The following MYO16 variants were observed in gnomAD, a reference collection of about 807,000 sequenced individuals.
MYO16 encodes the protein unconventional myosin-XVI.
MYO16 carries 94 observed loss-of-function variants against 205.3 expected under a neutral mutation model. The observed-to-expected ratio is 0.46, with a 90% CI of 0.39 to 0.54. MYO16 has a LOEUF of 0.54. Among genes scored for constraint, MYO16 ranks in the 20% least tolerant of loss-of-function variants. The probability of loss-of-function intolerance (pLI) is 0.00; values close to 1 mark genes in which losing one functional copy is unlikely to be tolerated. For synonymous variants in MYO16, 988 were observed against 954.0 expected (o/e 1.04, Z -0.66); for missense variants, 2,315 against 2,387.5 (o/e 0.97, Z 0.63).
chr13:108,824,860 G>A (rs1876169112), intron 9 of MYO16, among the ~76,000 whole-genome samples: 1 of 151,956 alleles, frequency 6.6e-6, no homozygotes, highest in African/African-American at 2.4e-5. Context: ...ACTAACTCAA[G>A]AAGAAAGAGA....
intron 29 of MYO16, among the ~76,000 whole-genome samples, chr13:109,121,882 G>A (rs1019039427): frequency 9.2e-5 from 14 of 152,204 alleles, no homozygotes; most frequent in African/African-American, 2.7e-4. Flanking sequence ...TGATGACCTG[G>A]CTGCTAACTC....
intron 1 of MYO16, among the ~76,000 whole-genome samples, chr13:108,615,718 C>G (rs1292985674): frequency 1.3e-5 from 2 of 152,218 alleles, no homozygotes; most frequent in Non-Finnish European, 2.9e-5. Context: ...TATGGTATAA[C>G]CTCATTTGTA....
chr13:109,022,518 G>C (rs1243742479), intron 23 of MYO16, among the ~76,000 whole-genome samples: 5 of 94,360 alleles, frequency 5.3e-5, no homozygotes, highest in African/African-American at 2.1e-4. Context: ...GTATATATTT[G>C]TTATATATAC....
chr13:108,838,431 G>A (rs1458990243), intron 9 of MYO16, among the ~76,000 whole-genome samples: 2 of 151,520 alleles, frequency 1.3e-5, no homozygotes, highest in African/African-American at 2.4e-5. Flanking sequence ...AAGGCAGGTG[G>A]ATCACTTGAG....
chr13:108,809,621 T>A (rs2138989522), intron 7 of MYO16, among the ~76,000 whole-genome samples: 1 of 152,232 alleles, frequency 6.6e-6, no homozygotes, highest in African/African-American at 2.4e-5. Context: ...GAGAACTCAC[T>A]CATTATCGTG....
rs181406240 is a variant in MYO16, at chr13:108,858,151, T to G, written c.1359+2598T>G. Among the ~76,000 whole-genome samples the G allele has an allele frequency of 1.9e-4, 29 of 152,342 alleles. 1 individual carries two copies. In the East Asian group the frequency reaches 4.4e-3, roughly 23 times the overall value. ...TGAATATTTTATGACCAGTGTGTAGTGAAAATAAGTGTTTTTACAGAAACT... is the reference window on the plus strand; with the variant it reads ...TGAATATTTTATGACCAGTGTGTAGGGAAAATAAGTGTTTTTACAGAAACT... On this transcript the variant is annotated intron_variant, in intron 11 of 34. Transcript: ENST00000457511.
chr13:108,926,787 A>G (rs1882027336), intron 16 of MYO16, among the ~76,000 whole-genome samples: 1 of 152,210 alleles, frequency 6.6e-6, no homozygotes. Context: ...TAAATCATCA[A>G]CAGTGAAAGC....
At chr13:108,980,880 G>A (rs1369321783) in intron 20 of MYO16, among the ~76,000 whole-genome samples, 2 of 152,114 alleles carry the variant, frequency 1.3e-5, no homozygotes, top group Admixed American at 1.3e-4. Flanking sequence ...TAGCTATGAG[G>A]TTGGCATTCT....
the MYO16 span, among the ~76,000 whole-genome samples, chr13:108,553,131 G>T: frequency 1.4e-5 from 2 of 139,970 alleles, no homozygotes; most frequent in East Asian, 2.2e-4. Context: ...TGCTTCTCCT[G>T]CCTCAGCCTC....
chr13:108,826,554 T>C (rs2099237), intron 9 of MYO16, among the ~76,000 whole-genome samples: 36,080 of 151,536 alleles, frequency 0.24, 5,039 homozygotes, highest in East Asian at 0.66. Flanking sequence ...AAAGCAAAAA[T>C]AGATAAACTA....
chr13:108,963,897 C>T (rs1883686349), intron 19 of MYO16, among the ~76,000 whole-genome samples: 1 of 152,164 alleles, frequency 6.6e-6, no homozygotes, highest in South Asian at 2.1e-4. Context: ...ATGGCCACAC[C>T]CACTTTCACT....
chr13:109,141,053 A>T lies in MYO16; in HGVS notation c.4841A>T (p.His1614Leu), dbSNP rs1466387709. ...PPPAPYRPCA[H>L]LAFPPEPAPV... ...CCCGCGCCCTACAGGCCCTGCGCGC[A>T]CTTGGCCTTCCCGCCGGAGCCCGCC... Residue 1614 changes from histidine to leucine, a missense_variant, in exon 32 of 35, where the codon CAC becomes CTC. Around this residue, in one of 3 missense-constraint regions of MYO16, gnomAD observed 1,097 missense variants for 1,092.0 expected, o/e 1.00. Coordinates refer to ENST00000457511, the MANE Select transcript of MYO16 (RefSeq NM_001198950.3). The surrounding 1 kb of genome is among the most constrained non-coding windows in gnomAD (Gnocchi z 4.1). 3 of 1,400,374 alleles carry T rather than the reference A, an allele frequency of 2.1e-6. No homozygotes were observed. Among genetic ancestry groups the T allele is most frequent in the Non-Finnish European group, 2.8e-6 (3 of 1,081,558 alleles). 86.7% of individuals were successfully genotyped at this position (1,400,374 alleles called of 1,614,324 possible). A position where few individuals can be genotyped will look rare whatever the true frequency, so the allele number is the denominator to read the frequency against.
chr13:109,086,823 C>T (rs556286462), intron 27 of MYO16, among the ~76,000 whole-genome samples: 157 of 152,168 alleles, frequency 1.0e-3, no homozygotes, highest in African/African-American at 3.8e-3. Context: ...ATATTTAAAG[C>T]GTCTCACTGA....
At chr13:109,044,843 C>T (rs993349173) in intron 23 of MYO16, among the ~76,000 whole-genome samples, 1 of 152,154 alleles carries the variant, frequency 6.6e-6, no homozygotes, top group Admixed American at 6.5e-5. Flanking sequence ...GCGTCTGTCA[C>T]CACACCCAGC....
In MYO16 at chr13:109,207,060, T is replaced by C. The variant is rs1880631660; in HGVS notation, c.*224T>C. 1 of 520,590 alleles carries C rather than the reference T, an allele frequency of 1.9e-6. No homozygotes were observed. The highest frequency in any genetic ancestry group is 1.9e-5 in the African/African-American group (1 of 52,216). The allele number at this position is 520,590 out of a possible 1,614,324, so 32.2% of individuals were successfully genotyped here. A position where few individuals can be genotyped will look rare whatever the true frequency, so the allele number is the denominator to read the frequency against. On this transcript the variant is annotated 3_prime_UTR_variant, in exon 35 of 35. Coordinates refer to ENST00000457511, the MANE Select transcript of MYO16 (RefSeq NM_001198950.3). ...TCCATCTCGTGGTGATACACTCTGA[T>C]TTTCAAGCTCCTCATTTACGGCTCT...
intron 23 of MYO16, among the ~76,000 whole-genome samples, chr13:109,034,710 T>TA (rs1051273371): frequency 1.9e-4 from 29 of 152,214 alleles, no homozygotes; most frequent in African/African-American, 6.3e-4. Flanking sequence ...TTAACCCTGA[T>TA]AACCTCCTCA....
At chr13:108,882,422 A>G (rs1284979471) in intron 12 of MYO16, among the ~76,000 whole-genome samples, 1 of 152,200 alleles carries the variant, frequency 6.6e-6, no homozygotes, top group African/African-American at 2.4e-5. Context: ...CTTTGAAGAT[A>G]CAGGCCAGTT....
chr13:109,013,255 T>G (rs1211810256), intron 22 of MYO16, among the ~76,000 whole-genome samples: 1 of 152,002 alleles, frequency 6.6e-6, no homozygotes, highest in East Asian at 1.9e-4. Context: ...CTCAGAGTGA[T>G]GGTTTCCAGA....
intron 32 of MYO16, among the ~76,000 whole-genome samples, chr13:109,153,290 T>C (rs1158945705): frequency 2.0e-5 from 3 of 152,186 alleles, no homozygotes; most frequent in African/African-American, 7.2e-5. Context: ...GAGGTTGTCC[T>C]CTTGTGTGCT....
Sources: allele counts gnomAD v4.1 joint callset (sites outside exome capture counted in the v4.1 genomes callset), GRCh38; gene constraint gnomAD v4.1.1; regional missense constraint gnomAD v4.1.1; non-coding constraint Gnocchi (gnomAD v3.1); transcripts MANE v1.5; gene names NCBI Gene and HGNC (gene_info 2026-07-23, HGNC 2026-07-21).